Variants in GOSR2 observed in about 807,000 individuals in gnomAD.
The protein encoded by GOSR2 is golgi SNAP receptor complex member 2, also known as 27 kDa Golgi SNARE protein.
GOSR2 carries 20 observed loss-of-function variants against 27.9 expected under a neutral mutation model. The ratio of observed to expected loss-of-function variants is 0.72; its 90% CI spans 0.50 to 1.04. The LOEUF is 1.04. GOSR2 is among the 50% of genes least tolerant of loss of function. The pLI, the probability that GOSR2 is intolerant of heterozygous loss-of-function variation, is 0.00. For missense variants in GOSR2, 261 were observed against 270.5 expected (o/e 0.97, Z 0.25); for synonymous variants, 91 against 98.8 (o/e 0.92, Z 0.47).
chr17:46,938,452 T>C, intron 5 of GOSR2, 147 bp from the exon 6 acceptor site: 1 of 1,224,886 alleles, frequency 8.2e-7, no homozygotes, highest in South Asian at 1.2e-5. Flanking sequence ...TGAGAGTGGC[T>C]CTATTTCTGG....
In GOSR2 at chr17:46,938,420, G is replaced by C. The variant is rs141561419; in HGVS notation, c.478-179G>C. ...CCACTTAGCGTTGCTCTGGTACCTT[G>C]ATCAAAAATCAGTCGACGACATGAG... On this transcript the variant is annotated intron_variant, in intron 5 of 5. Coordinates refer to ENST00000640051, the MANE Select transcript of GOSR2 (RefSeq NM_004287.5). Among the ~76,000 whole-genome samples the C allele has an allele frequency of 5.3e-4, 80 of 152,252 alleles. No homozygotes were observed. In the East Asian group the frequency reaches 0.013, roughly 24 times the overall value.
At chr17:46,958,733 C>G (rs551568270) in intron 6 of GOSR2, among the ~76,000 whole-genome samples, 6 of 152,306 alleles carry the variant, frequency 3.9e-5, no homozygotes, top group Non-Finnish European at 7.3e-5. Flanking sequence ...GAGATGGAGC[C>G]AACTTCCGGC....
chr17:46,923,564 G>C (rs570267811), intron 1 of GOSR2: 3 of 1,318,134 alleles, frequency 2.3e-6, no homozygotes, highest in African/African-American at 3.0e-5. Flanking sequence ...GGTAGACCTC[G>C]AGAGGAGACA....
chr17:46,966,523 A>AT, intron 6 of GOSR2: 1 of 687,988 alleles, frequency 1.5e-6, no homozygotes, highest in Admixed American at 2.1e-5. Flanking sequence ...AATTTTTTGT[A>AT]TTTTTTGCAG....
At chr17:46,948,493 C>T (rs1052212344) in intron 6 of GOSR2, 8 of 152,256 alleles carry the variant, frequency 5.3e-5, no homozygotes, top group African/African-American at 1.4e-4. Context: ...CTGTGTTCTT[C>T]ATCAGAAGAC....
At chr17:46,935,210 T>C (rs903987558) in intron 5 of GOSR2, 41 bp downstream of exon 5, 1 of 1,613,010 alleles carries the variant, frequency 6.2e-7, no homozygotes. Context: ...GCCTCTTGTT[T>C]TAGCCTCATC....
downstream of GOSR2, among the ~76,000 whole-genome samples, chr17:46,943,556 T>G (rs970853439): frequency 6.6e-6 from 1 of 152,212 alleles, no homozygotes; most frequent in Non-Finnish European, 1.5e-5. Context: ...ACTGCACGCT[T>G]CCTGCGGAAT....
At chr17:46,930,420 A>C (rs965887172) in intron 2 of GOSR2, 4 of 152,320 alleles carry the variant, frequency 2.6e-5, no homozygotes, top group African/African-American at 9.7e-5. Context: ...TAGAAATGGA[A>C]AGAGGTCATT....
downstream of GOSR2, among the ~76,000 whole-genome samples, chr17:46,944,891 C>A: frequency 6.6e-6 from 1 of 152,306 alleles, no homozygotes; most frequent in African/African-American, 2.4e-5. Flanking sequence ...TAAGCCACCG[C>A]AGCCGGCCTT....
chr17:46,962,751 G>A (rs3851784), intron 6 of GOSR2, among the ~76,000 whole-genome samples: 64,127 of 152,056 alleles, frequency 0.42, 13,750 homozygotes, highest in South Asian at 0.5. Flanking sequence ...TCAGTATCAC[G>A]TGCAGCAGGA....
intron 4 of GOSR2, among the ~76,000 whole-genome samples, chr17:46,934,817 G>A (rs777397354): frequency 7.2e-5 from 11 of 152,228 alleles, no homozygotes; most frequent in Non-Finnish European, 1.5e-4. Flanking sequence ...GAACTCATTT[G>A]GAGAGTGACA....
intron 6 of GOSR2, among the ~76,000 whole-genome samples, chr17:46,947,338 C>T (rs1226122834): frequency 6.6e-6 from 1 of 152,196 alleles, no homozygotes; most frequent in African/African-American, 2.4e-5. Flanking sequence ...ACCTGGCAAC[C>T]TGAACTACCC....
chr17:46,944,173 TC>T (rs2089623955), downstream of GOSR2, among the ~76,000 whole-genome samples: 2 of 152,178 alleles, frequency 1.3e-5, no homozygotes, highest in Admixed American at 6.5e-5. Flanking sequence ...TATTCCGTCT[TC>T]CAGAGCCCTG....
intron 6 of GOSR2, among the ~76,000 whole-genome samples, chr17:46,974,441 G>T (rs965549251): frequency 6.6e-6 from 1 of 152,200 alleles, no homozygotes; most frequent in Non-Finnish European, 1.5e-5. Flanking sequence ...GGGGAGCAAA[G>T]GAGGTCATCT....
chr17:46,963,706 AT>A (rs1173400408), intron 6 of GOSR2: 11 of 152,238 alleles, frequency 7.2e-5, no homozygotes, highest in African/African-American at 2.7e-4. Context: ...GACAAAGAAC[AT>A]ATGTTCTTGA....
At chr17:46,926,493 A>T (rs1048179042) in intron 1 of GOSR2, among the ~76,000 whole-genome samples, 8 of 152,070 alleles carry the variant, frequency 5.3e-5, no homozygotes, top group Admixed American at 3.9e-4. Flanking sequence ...ATTTGCTACT[A>T]TTTCTCTGCT....
At chr17:46,944,561 C>T (rs888002998), downstream of GOSR2, among the ~76,000 whole-genome samples, 3 of 151,778 alleles carry the variant, frequency 2.0e-5, no homozygotes, top group East Asian at 1.9e-4. Flanking sequence ...CCAGAGATGC[C>T]GAGCTACCTG....
intron 6 of GOSR2, among the ~76,000 whole-genome samples, chr17:46,959,393 A>C (rs531643561): frequency 6.6e-6 from 1 of 152,302 alleles, no homozygotes; most frequent in Admixed American, 6.5e-5. Context: ...TAGTCCTCAA[A>C]AGCCATTGGC....
intron 6 of GOSR2, among the ~76,000 whole-genome samples, chr17:46,962,539 C>T (rs748745901): frequency 6.6e-6 from 1 of 152,178 alleles, no homozygotes; most frequent in Non-Finnish European, 1.5e-5. Flanking sequence ...TGCTTTTGCA[C>T]TTTTGGGAAG....
Sources: allele counts gnomAD v4.1 joint callset (sites outside exome capture counted in the v4.1 genomes callset), GRCh38; gene constraint gnomAD v4.1.1; transcripts MANE v1.5; gene names NCBI Gene and HGNC (gene_info 2026-07-23, HGNC 2026-07-21).